Variants in SFMBT2 observed in about 807,000 individuals in gnomAD.
SFMBT2 encodes scm-like with four MBT domains protein 2.
Under a neutral mutation model 110.1 loss-of-function variants are expected in SFMBT2, and 38 were observed. The observed-to-expected ratio is 0.35, with a 90% confidence interval of 0.27 to 0.45. The LOEUF is 0.45. SFMBT2 is among the 20% of genes least tolerant of loss of function. SFMBT2 has a pLI of 1.00. For synonymous variants in SFMBT2, 425 were observed against 425.4 expected (o/e 1.00, Z 0.01); for missense variants, 1,011 against 1,094.9 (o/e 0.92, Z 1.08).
intron 15 of SFMBT2, 98 bp from the exon 16 acceptor site, chr10:7,188,831 G>C: frequency 2.1e-6 from 2 of 937,870 alleles, no homozygotes; most frequent in Non-Finnish European, 3.3e-6. Flanking sequence ...TTTAGGAACA[G>C]CTCGCCACTA....
chr10:7,206,867 G>A lies in SFMBT2; in HGVS notation c.1331-939C>T, dbSNP rs183263378. On this transcript the variant is annotated intron_variant, in intron 11 of 20. Coordinates refer to ENST00000397167, the MANE Select transcript of SFMBT2 (RefSeq NM_001387889.1). ...GAGATCAGAGCTCCATTAATAGACGGTGACCCATGGACTCTGACCCCTTAG... is the reference window on the plus strand; with the variant it reads ...GAGATCAGAGCTCCATTAATAGACGATGACCCATGGACTCTGACCCCTTAG... The A allele has an allele frequency of 5.1e-6, 5 of 984,968 alleles. No homozygotes were observed. The East Asian group carries it at 4.5e-4, about 89-fold the overall frequency. 61.0% of individuals were successfully genotyped at this position (984,968 alleles called of 1,614,324 possible). A position where few individuals can be genotyped will look rare whatever the true frequency, so the allele number is the denominator to read the frequency against.
chr10:7,363,505 C>G (rs373013832), intron 4 of SFMBT2, among the ~76,000 whole-genome samples: 1 of 152,104 alleles, frequency 6.6e-6, no homozygotes, highest in Non-Finnish European at 1.5e-5. Context: ...TGCGCCACCA[C>G]GCCCAGCTAA....
chr10:7,226,126 G>A (rs1223247800), intron 10 of SFMBT2, among the ~76,000 whole-genome samples: 1 of 152,222 alleles, frequency 6.6e-6, no homozygotes, highest in African/African-American at 2.4e-5. Context: ...AGCCCGGACT[G>A]GGAACCACAA....
At chr10:7,315,038 G>GAGAGAGAA (rs1842956718) in intron 4 of SFMBT2, among the ~76,000 whole-genome samples, 2 of 82,252 alleles carry the variant, frequency 2.4e-5, no homozygotes, top group South Asian at 4.5e-4. Flanking sequence ...AAGAAAGAAA[G>GAGAGAGAA]AGAAAGAAAG....
intron 4 of SFMBT2, among the ~76,000 whole-genome samples, chr10:7,311,474 A>G (rs930084028): frequency 6.6e-6 from 1 of 152,238 alleles, no homozygotes; most frequent in Non-Finnish European, 1.5e-5. Flanking sequence ...TAATAAATCT[A>G]TCACATCCTC....
At chr10:7,345,353 A>C (rs1844076214) in intron 4 of SFMBT2, among the ~76,000 whole-genome samples, 1 of 152,060 alleles carries the variant, frequency 6.6e-6, no homozygotes, top group Non-Finnish European at 1.5e-5. Flanking sequence ...AACTACAAAA[A>C]TATTTATTTT....
chr10:7,298,610 T>C (rs1292133834), intron 4 of SFMBT2, among the ~76,000 whole-genome samples: 1 of 152,208 alleles, frequency 6.6e-6, no homozygotes, highest in Non-Finnish European at 1.5e-5. Flanking sequence ...TGTATGCATA[T>C]GTCTGTATGT....
intron 11 of SFMBT2, among the ~76,000 whole-genome samples, chr10:7,208,363 T>C (rs952064246): frequency 5.9e-5 from 9 of 152,198 alleles, no homozygotes; most frequent in Non-Finnish European, 1.2e-4. Context: ...TCTTTCCAGA[T>C]TTACATTTAG....
At chr10:7,365,113 G>A (rs1179865708) in intron 4 of SFMBT2, among the ~76,000 whole-genome samples, 1 of 152,224 alleles carries the variant, frequency 6.6e-6, no homozygotes, top group Non-Finnish European at 1.5e-5. Context: ...GCATGAGCAT[G>A]CACTGTGCCT....
chr10:7,188,699 G>A lies in SFMBT2; in HGVS notation c.1733C>T (p.Pro578Leu), dbSNP rs945715474. The A allele has an allele frequency of 6.2e-7, 1 of 1,613,260 alleles. No homozygotes were observed. Among genetic ancestry groups the A allele is most frequent in the Non-Finnish European group, 8.5e-7 (1 of 1,179,632 alleles). ...LSMIINAAYK[P>L]GRVLRELQLV... ...CTGTAATTCTCTTAATACCCTTCCA[G>A]GCTTGTAGGCTGCGTTGATTATCAT... The change falls in exon 16 of 21, where the codon CCT becomes CTT. Residue 578 changes from proline (P) to leucine (L), a missense_variant. Pro to Leu is a moderately conservative substitution (Grantham distance 98). Coordinates refer to ENST00000397167, the MANE Select transcript of SFMBT2 (RefSeq NM_001387889.1).
chr10:7,381,654 T>C (rs1845425437), intron 2 of SFMBT2, 145 bp downstream of exon 2: 1 of 837,266 alleles, frequency 1.2e-6, no homozygotes, highest in Admixed American at 3.0e-5. Context: ...AGAGCGGCCA[T>C]ATCCTTATAA....
At chr10:7,320,545 A>G (rs1461636671) in intron 4 of SFMBT2, 1 of 955,396 alleles carries the variant, frequency 1.0e-6, no homozygotes, top group East Asian at 1.2e-4. Context: ...CCATTTCACT[A>G]TAGGAAGTAA....
chr10:7,222,917 A>G (rs1839791570), intron 10 of SFMBT2, among the ~76,000 whole-genome samples: 1 of 151,992 alleles, frequency 6.6e-6, no homozygotes, highest in South Asian at 2.1e-4. Flanking sequence ...TGGCCTCCCT[A>G]AGTGCTGGGA....
intron 9 of SFMBT2, among the ~76,000 whole-genome samples, chr10:7,233,695 G>T (rs957874823): frequency 1.3e-5 from 2 of 152,144 alleles, no homozygotes; most frequent in East Asian, 3.9e-4. Context: ...CAGCACTTCG[G>T]GGCATTTTTG....
chr10:7,268,580 G>A (rs1001453738), intron 7 of SFMBT2, among the ~76,000 whole-genome samples: 4 of 151,610 alleles, frequency 2.6e-5, no homozygotes, highest in Admixed American at 6.6e-5. Context: ...GCACGATCTC[G>A]GCTCACTGCA....
chr10:7,378,445 G>A, intron 2 of SFMBT2, among the ~76,000 whole-genome samples: 1 of 73,074 alleles, frequency 1.4e-5, no homozygotes, highest in Admixed American at 1.2e-4. Flanking sequence ...GTGTGTGTGG[G>A]TGTATGTGTG....
At chr10:7,326,572 T>A (rs1843390236) in intron 4 of SFMBT2, among the ~76,000 whole-genome samples, 2 of 152,234 alleles carry the variant, frequency 1.3e-5, no homozygotes, top group South Asian at 4.1e-4. Context: ...ACGTCTGGCA[T>A]CCCATGTAAA....
intron 4 of SFMBT2, chr10:7,286,253 C>T (rs1842084160): frequency 5.4e-6 from 1 of 184,620 alleles, no homozygotes; most frequent in South Asian, 1.8e-4. Flanking sequence ...ATAAAGTGTA[C>T]AATTCAGGAG....
intron 4 of SFMBT2, among the ~76,000 whole-genome samples, chr10:7,337,703 T>A (rs1218467242): frequency 1.3e-5 from 2 of 152,048 alleles, no homozygotes; most frequent in African/African-American, 4.8e-5. Flanking sequence ...CAGTCCTGGG[T>A]ATTTCTTTGT....
Sources: gnomAD v4.1 joint callset for allele counts (sites outside exome capture counted in the v4.1 genomes callset) on GRCh38, gnomAD v4.1.1 for gene constraint, MANE v1.5 for transcripts, NCBI Gene and HGNC (gene_info 2026-07-23, HGNC 2026-07-21) for gene names.